RARB: variants seen among roughly 807,000 people sequenced by gnomAD.
RARB encodes the protein retinoic acid receptor beta.
A neutral mutation model predicts 51.9 loss-of-function variants in RARB; 17 were observed. The ratio of observed to expected loss-of-function variants is 0.33; its 90% CI spans 0.22 to 0.49. RARB has a LOEUF of 0.49. RARB is among the 20% of genes least tolerant of loss of function. The probability of loss-of-function intolerance (pLI) is 0.99; values close to 1 mark genes in which losing one functional copy is unlikely to be tolerated. For synonymous variants in RARB, 215 were observed against 195.4 expected (o/e 1.10, Z -0.84); for missense variants, 369 against 550.8 (o/e 0.67, Z 3.30).
chr3:25,536,288 A>G (rs59209137), intron 3 of RARB, among the ~76,000 whole-genome samples: 1,880 of 152,340 alleles, frequency 0.012, 38 homozygotes, highest in African/African-American at 0.042. Flanking sequence ...CCTAGATACC[A>G]TAGTCTGCAG....
rs1218751384 is a variant in RARB, at chr3:25,428,597, G to A, written c.-135G>A. ...TTGTCTGTCATAATTCATGATTCGG[G>A]GCTGGGAAAAAGACCAACAGCCTAC... On this transcript the variant is annotated 5_prime_UTR_variant, in exon 1 of 8. Transcript: ENST00000330688. 17 of 1,402,702 alleles carry A rather than the reference G, an allele frequency of 1.2e-5. No homozygotes were observed. The allele number at this position is 1,402,702 out of a possible 1,614,324, so 86.9% of individuals were successfully genotyped here.
chr3:24,955,931 C>G (rs959090536), intron 2 of RARB, among the ~76,000 whole-genome samples: 8 of 152,140 alleles, frequency 5.3e-5, no homozygotes, highest in African/African-American at 1.7e-4. Context: ...CCAGTCTCCT[C>G]TTCTCTTGAG....
rs138220252 is a variant in RARB, at chr3:25,469,963, G to T, written c.306+8622G>T. 4.7e-3 allele frequency among the ~76,000 whole-genome samples: 714 copies of T among 152,286 alleles called. 2 individuals are homozygous for T. The highest frequency in any genetic ancestry group is 0.016 in the African/African-American group (645 of 41,574). On this transcript the variant is annotated intron_variant, in intron 2 of 7. Coordinates refer to ENST00000330688, the MANE Select transcript of RARB (RefSeq NM_000965.5). ...GCTTAAAAAGGGGAACGTGGAGGAG[G>T]GGTGGGAGCATGTGGGAGTGGTGCT...
intron 2 of RARB, among the ~76,000 whole-genome samples, chr3:24,954,875 T>C (rs1695974581): frequency 6.6e-6 from 1 of 152,102 alleles, no homozygotes; most frequent in African/African-American, 2.4e-5. Flanking sequence ...GTGGGGAGCA[T>C]GCAGGTGAGT....
intron 1 of RARB, among the ~76,000 whole-genome samples, chr3:25,433,769 G>T (rs145947831): frequency 6.6e-6 from 1 of 152,262 alleles, no homozygotes; most frequent in African/African-American, 2.4e-5. Flanking sequence ...ATGTTGCTCT[G>T]AATTCTCCTC....
chr3:25,130,319 C>T (rs1467730449), intron 3 of RARB, among the ~76,000 whole-genome samples: 1 of 152,020 alleles, frequency 6.6e-6, no homozygotes, highest in African/African-American at 2.4e-5. Flanking sequence ...TAAAATGTCA[C>T]CTAAACATAC....
chr3:25,118,432 A>G (rs914943492), intron 3 of RARB, among the ~76,000 whole-genome samples: 2 of 152,188 alleles, frequency 1.3e-5, no homozygotes, highest in African/African-American at 4.8e-5. Flanking sequence ...TTTGTTAAAC[A>G]GTACGTATAT....
chr3:25,530,656 T>C (rs911070995), intron 3 of RARB, among the ~76,000 whole-genome samples: 1 of 152,246 alleles, frequency 6.6e-6, no homozygotes, highest in Admixed American at 6.5e-5. Flanking sequence ...AGGAGTCTTG[T>C]AATTACAGCA....
At chr3:25,149,469 C>T (rs780005817) in intron 4 of RARB, among the ~76,000 whole-genome samples, 36 of 152,186 alleles carry the variant, frequency 2.4e-4, no homozygotes, top group Non-Finnish European at 4.6e-4. Flanking sequence ...TTCTCCAAAC[C>T]ATTTCCATGA....
rs544548584 is a variant in RARB at position 25,211,604 on chromosome 3, A to C, written c.178+37029A>C. ...GCCTGGTTCAACTCCCCATGATTCA[A>C]ATCTGAAATTCAAAATGTAAACTTT... On this transcript the variant is annotated intron_variant, in intron 5 of 11. Transcript: ENST00000383772. Among the ~76,000 whole-genome samples the C allele has an allele frequency of 4.6e-5, 7 of 152,358 alleles. No individual in the cohort carries two copies. In the South Asian group the frequency reaches 1.2e-3, roughly 27 times the overall value.
At chr3:24,829,660 A>G (rs1050067009) in intron 1 of RARB, among the ~76,000 whole-genome samples, 2 of 152,196 alleles carry the variant, frequency 1.3e-5, no homozygotes, top group East Asian at 3.9e-4. Flanking sequence ...GTCCTCTTCC[A>G]AGTTCCCTTT....
intron 2 of RARB, among the ~76,000 whole-genome samples, chr3:24,885,465 T>A (rs567769356): frequency 6.6e-6 from 1 of 152,178 alleles, no homozygotes; most frequent in Non-Finnish European, 1.5e-5. Context: ...GAATATTAAA[T>A]GGAGAATTTT....
chr3:25,280,883 T>C (rs1703505537), intron 5 of RARB, among the ~76,000 whole-genome samples: 1 of 152,058 alleles, frequency 6.6e-6, no homozygotes, highest in African/African-American at 2.4e-5. Flanking sequence ...CCCATCTTGG[T>C]CTCGGAGTGG....
chr3:25,049,714 T>C (rs569016076), intron 2 of RARB, among the ~76,000 whole-genome samples: 1 of 152,252 alleles, frequency 6.6e-6, no homozygotes, highest in African/African-American at 2.4e-5. Context: ...TTATTTTAGC[T>C]CAGCATCTTC....
At chr3:24,856,118 A>C (rs1174060184) in intron 1 of RARB, among the ~76,000 whole-genome samples, 1 of 152,096 alleles carries the variant, frequency 6.6e-6, no homozygotes, top group Non-Finnish European at 1.5e-5. Flanking sequence ...GAGTATCTTC[A>C]TTCTTCTCAT....
chr3:24,996,233 A>G (rs901750014), intron 2 of RARB, among the ~76,000 whole-genome samples: 2 of 151,952 alleles, frequency 1.3e-5, no homozygotes, highest in East Asian at 1.9e-4. Flanking sequence ...AGTTTTTCCA[A>G]TTTAATGGCC....
chr3:25,359,698 T>G (rs9835390), intron 5 of RARB, among the ~76,000 whole-genome samples: 78,908 of 151,730 alleles, frequency 0.52, 20,956 homozygotes, highest in East Asian at 0.87. Context: ...TGGTTTCAAA[T>G]AACTTATTTA....
At chr3:25,478,658 C>T (rs1696079014) in intron 2 of RARB, among the ~76,000 whole-genome samples, 1 of 152,256 alleles carries the variant, frequency 6.6e-6, no homozygotes, top group East Asian at 1.9e-4. Flanking sequence ...CCCTTAGTAT[C>T]GACATGACGT....
intron 2 of RARB, among the ~76,000 whole-genome samples, chr3:24,876,701 A>G (rs1194653678): frequency 2.6e-5 from 4 of 152,160 alleles, no homozygotes; most frequent in Non-Finnish European, 5.9e-5. Context: ...AAGGACCCAC[A>G]ATATATTAAT....
Sources: gnomAD v4.1 joint callset for allele counts (sites outside exome capture counted in the v4.1 genomes callset) on GRCh38, gnomAD v4.1.1 for gene constraint, MANE v1.5 for transcripts, NCBI Gene and HGNC (gene_info 2026-07-23, HGNC 2026-07-21) for gene names.